The following ELFN1 variants were observed in gnomAD, a reference collection of about 807,000 sequenced individuals.
ELFN1 encodes protein ELFN1.
In ELFN1, 6 loss-of-function variants were observed where a neutral mutation model predicts 7.6. The ratio of observed to expected loss-of-function variants is 0.79; its 90% CI spans 0.43 to 1.56. The LOEUF (loss-of-function observed/expected upper bound fraction) is 1.56. Among genes scored for constraint, ELFN1 ranks in the 40% most tolerant of loss-of-function variants. The pLI is 0.01. For synonymous variants in ELFN1, 657 were observed against 588.1 expected (o/e 1.12, Z -1.70); for missense variants, 1,169 against 1,232.2 (o/e 0.95, Z 0.77).
intron 3 of ELFN1, among the ~76,000 whole-genome samples, chr7:1,714,998 A>G (rs975666491): frequency 6.6e-6 from 1 of 152,148 alleles, no homozygotes; most frequent in South Asian, 2.1e-4. Context: ...ACCTCTGGCC[A>G]TCGTATCTGC....
At position 1,745,785 on chromosome 7, in the gene ELFN1, A is replaced by C. The variant is rs746966690; in HGVS notation, c.1189A>C (p.Ile397Leu). The C allele has an allele frequency of 6.4e-7, 1 of 1,555,340 alleles. No homozygotes were observed. Among genetic ancestry groups the C allele is most frequent in the Admixed American group, 1.9e-5 (1 of 51,284 alleles). ...GCGCCACAACCACACCTGCCTCACC[A>C]TCTGCTTGCCCCGGCTGCCCAGCCC... The part of the protein sequence containing the change: ...GLRHNHTCLT[I>L]CLPRLPSPPG... The change falls in exon 4 of 4, where the codon ATC (isoleucine) becomes CTC (leucine). Residue 397 changes from isoleucine (I) to leucine (L), a missense_variant. Coordinates refer to ENST00000424383, the MANE Select transcript of ELFN1 (RefSeq NM_001128636.4).
At position 1,695,022 on chromosome 7, in the gene ELFN1, G is replaced by A. The variant is rs751728793; in HGVS notation, c.-456+6872G>A. ...TCCCTGTTGAGTGCTGCAGAGGGGC[G>A]TCGGGCGTCGTGCACATGTGCCCAT... is the stretch of plus-strand genomic sequence containing the variant. On this transcript the variant is annotated intron_variant, in intron 2 of 3. Transcript: ENST00000424383. This position sits in a 1 kb window ranked among gnomAD's most constrained non-coding sequence, Gnocchi z 5.1. Among the ~76,000 whole-genome samples the A allele has an allele frequency of 7.9e-5, 12 of 152,208 alleles. No homozygotes were observed. Among genetic ancestry groups the A allele is most frequent in the African/African-American group, 2.2e-4 (9 of 41,466 alleles).
chr7:1,725,389 G>A (rs1328643407), intron 3 of ELFN1, among the ~76,000 whole-genome samples: 4 of 152,108 alleles, frequency 2.6e-5, no homozygotes, highest in Admixed American at 2.0e-4. Context: ...AGGCGAGGCC[G>A]GTGACAGGTG....
chr7:1,699,547 G>A (rs1265939719), intron 2 of ELFN1, among the ~76,000 whole-genome samples: 2 of 152,132 alleles, frequency 1.3e-5, no homozygotes, highest in Non-Finnish European at 2.9e-5. Context: ...AGGCTGAGGT[G>A]GGAGGATCAC....
chr7:1,710,627 A>G (rs1779629297), intron 3 of ELFN1, among the ~76,000 whole-genome samples: 1 of 152,222 alleles, frequency 6.6e-6, no homozygotes, highest in Non-Finnish European at 1.5e-5. Context: ...GGGGGGCCAC[A>G]TGGTGATTCA....
chr7:1,704,713 T>TG (rs1779496104), intron 2 of ELFN1, among the ~76,000 whole-genome samples: 1 of 151,970 alleles, frequency 6.6e-6, no homozygotes, highest in African/African-American at 2.4e-5. Flanking sequence ...GCGAGGTCAG[T>TG]GCCAGGTCTG....
rs931477883 is a variant in ELFN1 at position 1,745,308 on chromosome 7, G to A, written c.712G>A (p.Gly238Ser). The A allele has an allele frequency of 1.6e-5, 24 of 1,538,780 alleles. No individual in the cohort carries two copies. The Admixed American group carries it at 1.6e-4, about 10-fold the overall frequency. Residue 238 changes from glycine (G) to serine (S), a missense_variant, in exon 4 of 4, where the codon GGC becomes AGC. Around this residue, in one of 2 missense-constraint regions of ELFN1, gnomAD observed 255 missense variants for 359.6 expected, o/e 0.71. Coordinates refer to ENST00000424383, the MANE Select transcript of ELFN1 (RefSeq NM_001128636.4). Reference protein sequence around the residue: ...GYYLLGQGRRGHRSILSKLQS... With the variant: ...GYYLLGQGRRSHRSILSKLQS... Reference sequence around the variant, plus strand: ...CTACCTCCTGGGCCAGGGCCGCCGCGGCCACCGCAGCATCCTCAGCAAACT... The same window carrying A: ...CTACCTCCTGGGCCAGGGCCGCCGCAGCCACCGCAGCATCCTCAGCAAACT...
rs983759698 is a variant in ELFN1, at chr7:1,687,346, G to T, written c.-548-712G>T. On this transcript the variant is annotated intron_variant, in intron 1 of 3. Coordinates refer to ENST00000424383, the MANE Select transcript of ELFN1 (RefSeq NM_001128636.4). ...TCTATGCCAGAATTCCCACCCTGTGGTATTTTTTTTTTTTAAACAAAACTT... is the reference window on the plus strand; with the variant it reads ...TCTATGCCAGAATTCCCACCCTGTGTTATTTTTTTTTTTTAAACAAAACTT... 8.0e-5 allele frequency among the ~76,000 whole-genome samples: 12 copies of T among 150,352 alleles called. No homozygotes were observed. The East Asian group carries it at 1.5e-3, about 19-fold the overall frequency.
At position 1,739,694 on chromosome 7, in the gene ELFN1, G is replaced by A. The variant is rs368180149; in HGVS notation, c.-293-4610G>A. Among the ~76,000 whole-genome samples, 6 of 152,138 alleles carry A rather than the reference G, an allele frequency of 3.9e-5. No individual in the cohort carries two copies. The highest frequency in any genetic ancestry group is 4.1e-4 in the South Asian group (2 of 4,830). On this transcript the variant is annotated intron_variant, in intron 3 of 3. Transcript: ENST00000424383. This position sits in a 1 kb window ranked among gnomAD's most constrained non-coding sequence, Gnocchi z 4.6. ...GCTGGGATGCTGGAGTGGAGAGGGC[G>A]GCAGGAGGGAGCCAGCAGCTTCCTG...
intron 1 of ELFN1, among the ~76,000 whole-genome samples, chr7:1,685,680 G>A (rs1379060216): frequency 6.6e-6 from 1 of 150,956 alleles, no homozygotes; most frequent in Non-Finnish European, 1.5e-5. Context: ...GAGGTTTTGT[G>A]TTTTGAGTCA....
intron 2 of ELFN1, among the ~76,000 whole-genome samples, chr7:1,696,067 G>A (rs908169783): frequency 1.3e-5 from 2 of 152,176 alleles, no homozygotes; most frequent in Non-Finnish European, 2.9e-5. Flanking sequence ...CCCTGAGACT[G>A]GAAGTCTGGG....
At chr7:1,741,766 TG>T (rs1168075133) in intron 3 of ELFN1, among the ~76,000 whole-genome samples, 9 of 151,784 alleles carry the variant, frequency 5.9e-5, no homozygotes, top group Admixed American at 3.3e-4. Flanking sequence ...GGAGGAAATC[TG>T]GGGGGCTCCG....
chr7:1,700,415 A>T (rs1779402688), intron 2 of ELFN1, among the ~76,000 whole-genome samples: 2 of 152,122 alleles, frequency 1.3e-5, no homozygotes, highest in Admixed American at 1.3e-4. Flanking sequence ...TTGATTCTGG[A>T]TTCGCCTGTT....
intron 1 of ELFN1, among the ~76,000 whole-genome samples, chr7:1,676,580 G>T (rs1028992185): frequency 2.1e-4 from 32 of 152,362 alleles, no homozygotes; most frequent in African/African-American, 7.7e-4. Flanking sequence ...CTTCTGACTT[G>T]CCCTGCATGG....
At chr7:1,671,093 C>G (rs914540170) in intron 1 of ELFN1, among the ~76,000 whole-genome samples, 25 of 152,022 alleles carry the variant, frequency 1.6e-4, no homozygotes, top group African/African-American at 6.0e-4. Flanking sequence ...GCCCCCATTT[C>G]CATCCTTTGA....
intron 2 of ELFN1, among the ~76,000 whole-genome samples, chr7:1,697,333 G>A (rs560875702): frequency 1.3e-5 from 2 of 152,204 alleles, no homozygotes; most frequent in Non-Finnish European, 2.9e-5. Context: ...GAACAGTCGC[G>A]CCCCTGCCCC....
intron 1 of ELFN1, among the ~76,000 whole-genome samples, chr7:1,686,770 G>A (rs1346907496): frequency 6.6e-6 from 1 of 152,006 alleles, no homozygotes; most frequent in East Asian, 1.9e-4. Context: ...AATTGCTTGG[G>A]CCCTCTCTGC....
intron 3 of ELFN1, among the ~76,000 whole-genome samples, chr7:1,729,462 A>G (rs1562382095): frequency 6.6e-6 from 1 of 150,940 alleles, no homozygotes; most frequent in Non-Finnish European, 1.5e-5. Context: ...ATGGGACCAC[A>G]CCCCCCACCA....
Position 1,673,488 on chromosome 7 carries a change from C to A in ELFN1, c.-549+3134C>A, listed in dbSNP as rs989061258. On this transcript the variant is annotated intron_variant, in intron 1 of 3. Coordinates refer to ENST00000424383, the MANE Select transcript of ELFN1 (RefSeq NM_001128636.4). This position sits in a 1 kb window ranked among gnomAD's most constrained non-coding sequence, Gnocchi z 4.7. ...CACTCGAGCCCAGCACCGTGCCCCCCCTCCCCGCCCCCTGCCCCGGATGTC... is the reference window on the plus strand; with the variant it reads ...CACTCGAGCCCAGCACCGTGCCCCCACTCCCCGCCCCCTGCCCCGGATGTC... 6.6e-6 allele frequency among the ~76,000 whole-genome samples: 1 copy of A among 152,196 alleles called. No individual in the cohort carries two copies. Among genetic ancestry groups the A allele is most frequent in the Non-Finnish European group, 1.5e-5 (1 of 68,032 alleles).
Sources: allele counts gnomAD v4.1 joint callset (sites outside exome capture counted in the v4.1 genomes callset), GRCh38; gene constraint gnomAD v4.1.1; regional missense constraint gnomAD v4.1.1; non-coding constraint Gnocchi (gnomAD v3.1); transcripts MANE v1.5; gene names NCBI Gene and HGNC (gene_info 2026-07-23, HGNC 2026-07-21).